LYPLAL1: variants seen among roughly 807,000 people sequenced by gnomAD.
The protein encoded by LYPLAL1 is lysophospholipase like 1, also known as lysophospholipase-like protein 1.
LYPLAL1 carries 23 observed loss-of-function variants against 19.7 expected under a neutral mutation model. That is an observed-to-expected ratio of 1.17 (90% CI 0.84 to 1.65). The LOEUF (loss-of-function observed/expected upper bound fraction) is 1.65. Ranked by LOEUF, LYPLAL1 falls within the 40% of genes most tolerant of loss-of-function variation. LYPLAL1 has a pLI of 0.00. For synonymous variants in LYPLAL1, 119 were observed against 96.3 expected (o/e 1.24, Z -1.38); for missense variants, 355 against 279.4 (o/e 1.27, Z -1.93).
intron 2 of LYPLAL1, among the ~76,000 whole-genome samples, chr1:219,187,749 T>C (rs1191433024): frequency 1.3e-5 from 2 of 151,760 alleles, no homozygotes; most frequent in African/African-American, 4.8e-5. Context: ...CATGAATTCC[T>C]CTTTACTCCA....
the LYPLAL1 span, among the ~76,000 whole-genome samples, chr1:219,359,244 C>T: frequency 0.013 from 1,952 of 152,270 alleles, 19 homozygotes; most frequent in Non-Finnish European, 0.018. Context: ...CATTTTAAAG[C>T]ATTGTGCTTA....
the LYPLAL1 span, among the ~76,000 whole-genome samples, chr1:219,292,782 T>C: frequency 1.3e-5 from 2 of 152,106 alleles, no homozygotes; most frequent in South Asian, 2.1e-4. Flanking sequence ...TATAAAAATA[T>C]GTGTTTTATG....
At chr1:219,372,490 G>A in the LYPLAL1 span, among the ~76,000 whole-genome samples, 1 of 152,066 alleles carries the variant, frequency 6.6e-6, no homozygotes, top group African/African-American at 2.4e-5. Context: ...ACCTTCAGTA[G>A]GACTTTTCAC....
chr1:219,378,619 G>T, the LYPLAL1 span, among the ~76,000 whole-genome samples: 5 of 151,912 alleles, frequency 3.3e-5, no homozygotes, highest in African/African-American at 9.7e-5. Flanking sequence ...TGGAGAGAAG[G>T]TTCTCCATCC....
At chr1:219,421,762 A>C in the LYPLAL1 span, among the ~76,000 whole-genome samples, 5 of 152,146 alleles carry the variant, frequency 3.3e-5, no homozygotes, top group African/African-American at 1.2e-4. Context: ...GGGGAGCTTC[A>C]GGATGAGCTA....
chr1:219,193,272 T>A (rs1179619075), intron 3 of LYPLAL1, 21 bp downstream of exon 3: 1 of 1,586,964 alleles, frequency 6.3e-7, no homozygotes, highest in African/African-American at 1.3e-5. Flanking sequence ...TAAATGTTGG[T>A]AATTTATCAC....
chr1:219,200,209 A>G, intron 3 of LYPLAL1: 1 of 258,168 alleles, frequency 3.9e-6, no homozygotes, highest in Non-Finnish European at 7.8e-6. Context: ...GATCAGCCAA[A>G]TAAATGGTGC....
At chr1:219,307,628 A>G in the LYPLAL1 span, among the ~76,000 whole-genome samples, 1 of 152,170 alleles carries the variant, frequency 6.6e-6, no homozygotes, top group Non-Finnish European at 1.5e-5. Context: ...TTAATATTTG[A>G]TATGGTTTGG....
the LYPLAL1 span, among the ~76,000 whole-genome samples, chr1:219,293,634 A>G: frequency 4.6e-5 from 7 of 152,378 alleles, no homozygotes; most frequent in East Asian, 1.3e-3. Flanking sequence ...AAGGCTGATT[A>G]CAAAACACGA....
At position 219,211,617 on chromosome 1, in the gene LYPLAL1, G is replaced by C; in HGVS notation, c.603G>C (p.Thr201=). Residue 201 remains threonine (T), a synonymous_variant, in exon 5 of 5, where the codon ACG becomes ACC. Transcript: ENST00000366928. ...TGTTAAAATCTCTAGGAGTGACCAC[G>C]AAGTTTCATAGTTTTCCAAATGTTT... ...NSMLKSLGVT[T]KFHSFPNVYH... is the part of the protein sequence containing the mutation. 2 of 1,613,374 alleles carry C rather than the reference G, an allele frequency of 1.2e-6. No individual in the cohort carries two copies. Among genetic ancestry groups the C allele is most frequent in the Non-Finnish European group, 8.5e-7 (1 of 1,179,544 alleles).
chr1:219,283,319 G>A, the LYPLAL1 span, among the ~76,000 whole-genome samples: 1 of 152,108 alleles, frequency 6.6e-6, no homozygotes, highest in African/African-American at 2.4e-5. Flanking sequence ...GAGAGGTACT[G>A]TTTGGGATGG....
At chr1:219,299,358 C>G in the LYPLAL1 span, among the ~76,000 whole-genome samples, 1 of 151,940 alleles carries the variant, frequency 6.6e-6, no homozygotes, top group East Asian at 1.9e-4. Context: ...TGTATTATCA[C>G]ATACATTTGG....
At chr1:219,211,312 A>G (rs1659018665) in intron 4 of LYPLAL1, among the ~76,000 whole-genome samples, 180 bp from the exon 5 acceptor site, 3 of 152,108 alleles carry the variant, frequency 2.0e-5, no homozygotes, top group Admixed American at 2.0e-4. Flanking sequence ...GCCAGGAACC[A>G]GCTAAGTCCC....
chr1:219,211,034 T>C (rs1658994030), intron 4 of LYPLAL1, among the ~76,000 whole-genome samples: 1 of 152,092 alleles, frequency 6.6e-6, no homozygotes, highest in African/African-American at 2.4e-5. Context: ...TGCAGCAATA[T>C]CCTCATCTAT....
At chr1:219,405,273 A>G in the LYPLAL1 span, among the ~76,000 whole-genome samples, 1 of 152,230 alleles carries the variant, frequency 6.6e-6, no homozygotes, top group Non-Finnish European at 1.5e-5. Flanking sequence ...TTGGTTGAGT[A>G]GATAACACCA....
chr1:219,261,528 C>T, the LYPLAL1 span, among the ~76,000 whole-genome samples: 1 of 152,186 alleles, frequency 6.6e-6, no homozygotes, highest in Non-Finnish European at 1.5e-5. Flanking sequence ...GGTGGTAGCA[C>T]TCCTTTTAAC....
At chr1:219,414,295 G>A in the LYPLAL1 span, among the ~76,000 whole-genome samples, 1 of 152,144 alleles carries the variant, frequency 6.6e-6, no homozygotes, top group African/African-American at 2.4e-5. Flanking sequence ...AGCTATACCA[G>A]TTCCCGTTAC....
chr1:219,271,883 C>T, the LYPLAL1 span: 1 of 152,132 alleles, frequency 6.6e-6, no homozygotes, highest in Non-Finnish European at 1.5e-5. Flanking sequence ...AACAATTATC[C>T]CAGCAACCTG....
the LYPLAL1 span, among the ~76,000 whole-genome samples, chr1:219,286,218 GTGACAAA>G: frequency 6.6e-6 from 1 of 152,106 alleles, no homozygotes; most frequent in Non-Finnish European, 1.5e-5. Flanking sequence ...CTTCCTTAAA[GTGACAAA>G]CTAGGGGGTT....
Sources: gnomAD v4.1 joint callset for allele counts (sites outside exome capture counted in the v4.1 genomes callset) on GRCh38, gnomAD v4.1.1 for gene constraint, MANE v1.5 for transcripts, NCBI Gene and HGNC (gene_info 2026-07-23, HGNC 2026-07-21) for gene names.